DRC8: variants seen among roughly 807,000 people sequenced by gnomAD.
DRC8 encodes dynein regulatory complex subunit 8, also known as dynein regulatory complex protein 8.
chr1:245,034,208 C>T, the DRC8 span, among the ~76,000 whole-genome samples: 1 of 152,022 alleles, frequency 6.6e-6, no homozygotes, highest in East Asian at 1.9e-4. Context: ...TTTTTAAAGT[C>T]TATATAAAAA....
At chr1:245,071,655 G>A in the DRC8 span, among the ~76,000 whole-genome samples, 1 of 152,070 alleles carries the variant, frequency 6.6e-6, no homozygotes, top group African/African-American at 2.4e-5. Flanking sequence ...CTTCCTGGAC[G>A]GCATTTTAGC....
chr1:245,039,520 C>T, the DRC8 span, among the ~76,000 whole-genome samples: 1 of 151,078 alleles, frequency 6.6e-6, no homozygotes, highest in Non-Finnish European at 1.5e-5. Context: ...CCATTCACAT[C>T]TTACATAACT....
At chr1:245,011,286 G>A in the DRC8 span, among the ~76,000 whole-genome samples, 1 of 152,110 alleles carries the variant, frequency 6.6e-6, no homozygotes, top group East Asian at 1.9e-4. Flanking sequence ...CATCATTCCT[G>A]ACCCTAAATT....
chr1:245,026,850 T>G, the DRC8 span, among the ~76,000 whole-genome samples: 151,138 of 152,318 alleles, frequency 0.99, 74,991 homozygotes, highest in East Asian at 1. Context: ...TGAATACAAA[T>G]ATATGCATGG....
the DRC8 span, among the ~76,000 whole-genome samples, chr1:245,076,174 G>C: frequency 1.3e-5 from 2 of 152,208 alleles, no homozygotes. Context: ...CAGCACCAGC[G>C]ATTGAGTCTT....
At chr1:245,055,550 G>A in the DRC8 span, among the ~76,000 whole-genome samples, 7 of 151,876 alleles carry the variant, frequency 4.6e-5, no homozygotes, top group African/African-American at 1.5e-4. Flanking sequence ...TTGAAATCCT[G>A]GCCTCAAGTG....
At chr1:244,971,264 C>G in the DRC8 span, among the ~76,000 whole-genome samples, 1 of 152,144 alleles carries the variant, frequency 6.6e-6, no homozygotes, top group Non-Finnish European at 1.5e-5. Context: ...AAACCAAAAC[C>G]TGGTTGAGAT....
chr1:244,995,158 C>G, the DRC8 span, among the ~76,000 whole-genome samples: 1 of 151,944 alleles, frequency 6.6e-6, no homozygotes, highest in South Asian at 2.1e-4. Flanking sequence ...ATCAGGAGAT[C>G]CAGACCATCC....
the DRC8 span, among the ~76,000 whole-genome samples, chr1:245,007,786 C>G: frequency 1.3e-5 from 2 of 148,278 alleles, no homozygotes; most frequent in Non-Finnish European, 3.0e-5. Flanking sequence ...AGGTAAGCCA[C>G]GGGAGAATGA....
chr1:245,120,263 CT>C, the DRC8 span, among the ~76,000 whole-genome samples: 2 of 152,164 alleles, frequency 1.3e-5, no homozygotes, highest in South Asian at 2.1e-4. Context: ...AGGTAGCATC[CT>C]TATGCGCCCT....
the DRC8 span, among the ~76,000 whole-genome samples, chr1:245,012,194 T>C: frequency 6.6e-6 from 1 of 152,158 alleles, no homozygotes; most frequent in Non-Finnish European, 1.5e-5. Flanking sequence ...AAATAAAGTT[T>C]GGAAACTAAA....
the DRC8 span, among the ~76,000 whole-genome samples, chr1:245,088,652 GA>G: frequency 6.6e-6 from 1 of 152,234 alleles, no homozygotes; most frequent in Non-Finnish European, 1.5e-5. The surrounding 1 kb of genome is among the most constrained non-coding windows in gnomAD (Gnocchi z 4.6). Context: ...GTGCCGAAGA[GA>G]GGCAGCTACT....
chr1:244,994,230 C>T, the DRC8 span, among the ~76,000 whole-genome samples: 16 of 152,212 alleles, frequency 1.1e-4, no homozygotes, highest in Middle Eastern at 0.014. Context: ...GTCCAAAGAA[C>T]GTTTTTCCTT....
chr1:244,985,907 G>C, the DRC8 span, among the ~76,000 whole-genome samples: 2 of 151,174 alleles, frequency 1.3e-5, no homozygotes, highest in African/African-American at 2.4e-5. Flanking sequence ...GTTCAAAAAA[G>C]TTCAGGGTTC....
At chr1:244,988,100 C>T in the DRC8 span, among the ~76,000 whole-genome samples, 1 of 152,056 alleles carries the variant, frequency 6.6e-6, no homozygotes, top group Non-Finnish European at 1.5e-5. Context: ...GCAGCATTTC[C>T]ATTGATGGAA....
chr1:245,043,233 A>G, the DRC8 span, among the ~76,000 whole-genome samples: 1 of 152,124 alleles, frequency 6.6e-6, no homozygotes, highest in South Asian at 2.1e-4. Flanking sequence ...GGAGTTTGAG[A>G]TCAGCCTGGC....
the DRC8 span, among the ~76,000 whole-genome samples, chr1:245,064,033 CT>C: frequency 6.6e-6 from 1 of 152,020 alleles, no homozygotes; most frequent in African/African-American, 2.4e-5. Flanking sequence ...CAGATCTCAA[CT>C]TTTTTTTAAA....
chr1:245,049,198 T>C, the DRC8 span, among the ~76,000 whole-genome samples: 1 of 152,340 alleles, frequency 6.6e-6, no homozygotes, highest in South Asian at 2.1e-4. This position sits in a 1 kb window ranked among gnomAD's most constrained non-coding sequence, Gnocchi z 4.5. Flanking sequence ...TGGGCCAGGC[T>C]GGTCTCCAAC....
the DRC8 span, among the ~76,000 whole-genome samples, chr1:245,093,834 G>A: frequency 1.3e-5 from 2 of 152,180 alleles, no homozygotes; most frequent in East Asian, 1.9e-4. Flanking sequence ...TTTTATATGT[G>A]TGGCAGGTCA....
Sources: allele counts gnomAD v4.1 joint callset (sites outside exome capture counted in the v4.1 genomes callset), GRCh38; gene constraint gnomAD v4.1.1; non-coding constraint Gnocchi (gnomAD v3.1); transcripts MANE v1.5; gene names NCBI Gene and HGNC (gene_info 2026-07-23, HGNC 2026-07-21).